Variants in COL1A1 observed in about 807,000 individuals in gnomAD.
COL1A1 encodes collagen type I alpha 1 chain, also known as collagen alpha-1(I) chain.
A neutral mutation model predicts 195.7 loss-of-function variants in COL1A1; 21 were observed. The observed-to-expected ratio is 0.11, with a 90% CI of 0.08 to 0.15. The LOEUF is 0.15. COL1A1 is among the 10% of genes least tolerant of loss of function. The pLI is 1.00. For missense variants in COL1A1, 1,365 were observed against 2,051.0 expected, an observed-to-expected ratio of 0.67 and a Z score of 6.46; for synonymous variants, 749 against 747.3, an observed-to-expected ratio of 1.00 and a Z score of -0.04.
intron 6 of COL1A1, 39 bp downstream of exon 6, chr17:50,198,394 T>C: frequency 6.2e-7 from 1 of 1,604,464 alleles, no homozygotes; most frequent in Non-Finnish European, 8.5e-7. Context: ...TGGATACCCA[T>C]TCTCTCTTCT....
At position 50,187,867 on chromosome 17, in the gene COL1A1, C is replaced by A. The variant is rs1009435359; in HGVS notation, c.3369+9G>T. ...GCATGGGGACTGGGGAGGGGCTGAG[C>A]ATACTTACAGGAGGGCCAGGGGGAC... On this transcript the variant is annotated intron_variant, in intron 45 of 50. Coordinates refer to ENST00000225964, the MANE Select transcript of COL1A1 (RefSeq NM_000088.4). The A allele has an allele frequency of 6.3e-6, 10 of 1,588,946 alleles. No individual in the cohort carries two copies. The highest frequency in any genetic ancestry group is 8.6e-6 in the Non-Finnish European group (10 of 1,165,986).
Position 50,192,413 on chromosome 17 carries a change from G to T in COL1A1, c.1983+62C>A, listed in dbSNP as rs892739408. ...GATGGCTGTCTGATTAGCTAGGAGC[G>T]GGGGCCTGTCCCTCTGGATTCCCTG... On this transcript the variant is annotated intron_variant, in intron 29 of 50. Transcript: ENST00000225964. 1.6e-5 allele frequency: 25 copies of T among 1,521,136 alleles called. No homozygotes were observed. The African/African-American group carries it at 3.5e-4, about 21-fold the overall frequency. 94.2% of individuals were successfully genotyped at this position (1,521,136 alleles called of 1,614,324 possible). A position where few individuals can be genotyped will look rare whatever the true frequency, so the allele number is the denominator to read the frequency against.
rs1162380086 is a variant in COL1A1, at chr17:50,194,917, CA to C, written c.1354-90del. 2 of 1,492,164 alleles carry C rather than the reference CA, an allele frequency of 1.3e-6. No homozygotes were observed. Among genetic ancestry groups the C allele is most frequent in the Non-Finnish European group, 9.3e-7 (1 of 1,077,358 alleles). 92.4% of individuals were successfully genotyped at this position (1,492,164 alleles called of 1,614,324 possible). A position where few individuals can be genotyped will look rare whatever the true frequency, so the allele number is the denominator to read the frequency against. On this transcript the variant is annotated intron_variant, in intron 20 of 50. Coordinates refer to ENST00000225964, the MANE Select transcript of COL1A1 (RefSeq NM_000088.4). The surrounding 1 kb of genome is among the most constrained non-coding windows in gnomAD (Gnocchi z 6.8). The stretch of plus-strand genomic sequence containing the variant: ...CCGGCTGAGGCTGGGCCTCCAGTGT[CA>C]GGGGTTCCTGGGGGTGTGGCAGGGA...
Position 50,199,424 on chromosome 17 carries a change from G to T in COL1A1, c.363C>A (p.Gly121=). ...EGPKGDTGPR[G]PRGPAGPPGR... is the part of the protein sequence containing the mutation. Reference sequence around the variant, plus strand: ...CCCAGAGTGCAACGCTTACCCTTGGGCCTCGGGGGCCAGTGTCTCCCTTGG... The same window carrying T: ...CCCAGAGTGCAACGCTTACCCTTGGTCCTCGGGGGCCAGTGTCTCCCTTGG... Residue 121 remains glycine (G), a synonymous_variant, in exon 4 of 51, where the codon GGC becomes GGA. Transcript: ENST00000225964. 6.2e-7 allele frequency: 1 copy of T among 1,614,096 alleles called. No homozygotes were observed. The highest frequency in any genetic ancestry group is 8.5e-7 in the Non-Finnish European group (1 of 1,179,970).
chr17:50,187,415 C>T, intron 46 of COL1A1, 69 bp downstream of exon 46: 3 of 1,549,882 alleles, frequency 1.9e-6, no homozygotes, highest in South Asian at 2.3e-5. Flanking sequence ...TGCCTGGGTC[C>T]CTGGCAAGGG....
chr17:50,201,362 C>A, intron 1 of COL1A1, 49 bp downstream of exon 1: 1 of 1,580,460 alleles, frequency 6.3e-7, no homozygotes, highest in Non-Finnish European at 8.7e-7. Flanking sequence ...GGACCAAGCG[C>A]AAGGCGCGAT....
chr17:50,195,021 G>A lies in COL1A1; in HGVS notation c.1353+26C>T, dbSNP rs751139725. The stretch of plus-strand genomic sequence containing the variant: ...CTCCTAGGGCAGGGTGGGCTGGGCT[G>A]CAAGAAGGATGGCGGGGAGACTTAC... On this transcript the variant is annotated intron_variant, in intron 20 of 50. Transcript: ENST00000225964. This position sits in a 1 kb window ranked among gnomAD's most constrained non-coding sequence, Gnocchi z 4.3. 2 of 1,612,120 alleles carry A rather than the reference G, an allele frequency of 1.2e-6. No individual in the cohort carries two copies. The highest frequency in any genetic ancestry group is 1.7e-6 in the Non-Finnish European group (2 of 1,178,750).
At chr17:50,192,605 T>G in intron 28 of COL1A1, 35 bp downstream of exon 28, 26 of 1,614,080 alleles carry the variant, frequency 1.6e-5, no homozygotes, top group Non-Finnish European at 2.2e-5. Flanking sequence ...TTCCTACCCC[T>G]ACCTCCCAGC....
At position 50,199,443 on chromosome 17, in the gene COL1A1, C is replaced by T. The variant is rs767924851; in HGVS notation, c.344G>A (p.Gly115Glu). The change falls in exon 4 of 51, where the codon GGA (glycine) becomes GAA (glutamate). Residue 115 changes from glycine (G) to glutamate (E), a missense_variant. This residue lies in a region of COL1A1 where 194 missense variants were observed against 221.7 expected (regional missense o/e 0.88). Transcript: ENST00000225964. ...CCTTGGGCCTCGGGGGCCAGTGTCT[C>T]CCTTGGGTCCCTGTGGGATTGGGGG... is the stretch of plus-strand genomic sequence containing the variant. Reference protein sequence around the residue: ...QETTGVEGPKGDTGPRGPRGP... With the variant: ...QETTGVEGPKEDTGPRGPRGP... 19 of 1,614,054 alleles carry T rather than the reference C, an allele frequency of 1.2e-5. No individual in the cohort carries two copies. The East Asian group carries it at 4.0e-4, about 34-fold the overall frequency.
Position 50,191,818 on chromosome 17 carries a change from G to C in COL1A1, c.2097C>G (p.Ala699=), listed in dbSNP as rs1254198277. The C allele has an allele frequency of 2.5e-6, 4 of 1,598,304 alleles. No homozygotes were observed. Among genetic ancestry groups the C allele is most frequent in the African/African-American group, 2.7e-5 (2 of 74,712 alleles). Residue 699 remains alanine (A), a synonymous_variant, in exon 31 of 51, where the codon GCC becomes GCG. Coordinates refer to ENST00000225964, the MANE Select transcript of COL1A1 (RefSeq NM_000088.4). ...CACCATCGTTGCCGGGAGCACCGTT[G>C]GCCCCTCGGGGACCAGCAGGACCAG... ...GPPGPAGPRG[A]NGAPGNDGAK...
rs1906370441 is a variant in COL1A1 at position 50,185,179 on chromosome 17, G to T, written c.*323C>A. ...CATTGGGGTTTCATAAGCCCAACGGGCAGAAAGGGACTTACCCCCGCATGG... is the reference window on the plus strand; with the variant it reads ...CATTGGGGTTTCATAAGCCCAACGGTCAGAAAGGGACTTACCCCCGCATGG... On this transcript the variant is annotated 3_prime_UTR_variant, in exon 51 of 51. Coordinates refer to ENST00000225964, the MANE Select transcript of COL1A1 (RefSeq NM_000088.4). 2 of 360,776 alleles carry T rather than the reference G, an allele frequency of 5.5e-6. No homozygotes were observed. Among genetic ancestry groups the T allele is most frequent in the Non-Finnish European group, 1.0e-5 (2 of 196,850 alleles). 22.3% of individuals were successfully genotyped at this position (360,776 alleles called of 1,614,324 possible). A position where few individuals can be genotyped will look rare whatever the true frequency, so the allele number is the denominator to read the frequency against.
chr17:50,189,957 C>T lies in COL1A1; in HGVS notation c.2559+44G>A, dbSNP rs754862950. The T allele has an allele frequency of 2.5e-6, 4 of 1,611,108 alleles. No individual in the cohort carries two copies. The highest frequency in any genetic ancestry group is 1.1e-5 in the South Asian group (1 of 90,958). ...CATCAAGCCTGGACCCGTCCTGGGT[C>T]CCAGCCCACCAGCCTCGTGGGCACA... On this transcript the variant is annotated intron_variant, in intron 36 of 50. Coordinates refer to ENST00000225964, the MANE Select transcript of COL1A1 (RefSeq NM_000088.4). The surrounding 1 kb of genome is among the most constrained non-coding windows in gnomAD (Gnocchi z 5.5).
intron 5 of COL1A1, 92 bp from the exon 6 acceptor site, chr17:50,198,596 C>CACCAGGAAGTGCA: frequency 2.1e-6 from 2 of 974,204 alleles, no homozygotes; most frequent in Non-Finnish European, 3.2e-6. Context: ...CATGCACTTC[C>CACCAGGAAGTGCA]TGGTGTGATG....
chr17:50,185,529 G>T lies in COL1A1; in HGVS notation c.4368C>A (p.Phe1456Leu). ...DVGAPDQEFGFDVGPVCFL is the reference protein window; with the variant it reads ...DVGAPDQEFGLDVGPVCFL ...ACAGGAAGCAGACAGGGCCAACGTC[G>T]AAGCCGAATTCCTGGTCTGGGGCAC... Residue 1456 changes from phenylalanine to leucine, a missense_variant, in exon 51 of 51, where the codon TTC becomes TTA. Phe to Leu is a conservative substitution (Grantham distance 22). Around this residue, in one of 5 missense-constraint regions of COL1A1, gnomAD observed 273 missense variants for 338.6 expected, o/e 0.81. Coordinates refer to ENST00000225964, the MANE Select transcript of COL1A1 (RefSeq NM_000088.4). The T allele has an allele frequency of 6.2e-7, 1 of 1,613,890 alleles. No individual in the cohort carries two copies. Among genetic ancestry groups the T allele is most frequent in the Non-Finnish European group, 8.5e-7 (1 of 1,179,974 alleles).
rs1907233047 is a variant in COL1A1 at position 50,192,989 on chromosome 17, C to T, written c.1821+5G>A. 2 of 1,613,984 alleles carry T rather than the reference C, an allele frequency of 1.2e-6. No homozygotes were observed. The highest frequency in any genetic ancestry group is 2.7e-5 in the African/African-American group (2 of 74,922). ...AGGAGGTAGGGATGGAAAGGAGATA[C>T]TTACGACAGCGCCAGGGGGTCCGGG... On this transcript the variant is annotated splice_donor_5th_base_variant and intron_variant, in intron 26 of 50. Coordinates refer to ENST00000225964, the MANE Select transcript of COL1A1 (RefSeq NM_000088.4).
At chr17:50,200,167 G>A (rs1443100214) in intron 1 of COL1A1, 1 of 574,672 alleles carries the variant, frequency 1.7e-6, no homozygotes, top group African/African-American at 1.9e-5. Context: ...CAGTTCTCAG[G>A]AATTTAAACA....
rs1383507951 is a variant in COL1A1, at chr17:50,184,916, T to C, written c.*586A>G. The C allele has an allele frequency of 8.8e-6, 2 of 227,686 alleles. No individual in the cohort carries two copies. Among genetic ancestry groups the C allele is most frequent in the Non-Finnish European group, 1.7e-5 (2 of 114,716 alleles). The allele number at this position is 227,686 out of a possible 1,614,324, so 14.1% of individuals were successfully genotyped here. A position where few individuals can be genotyped will look rare whatever the true frequency, so the allele number is the denominator to read the frequency against. On this transcript the variant is annotated 3_prime_UTR_variant, in exon 51 of 51. Transcript: ENST00000225964. ...CGAAGGGGAGATGTTGCAAGAGCCA[T>C]GGGAGCGCCAGATGGCAAGGCTTCT...
At chr17:50,196,082 A>G (rs1907557537) in intron 15 of COL1A1, 73 bp downstream of exon 15, 2 of 1,610,094 alleles carry the variant, frequency 1.2e-6, no homozygotes, top group Non-Finnish European at 1.7e-6. Context: ...ACCTGCTCCC[A>G]TTGTCAGCCC....
rs1059475 is a variant in COL1A1 at position 50,185,601 on chromosome 17, G to T, written c.4296C>A (p.Thr1432=). The T allele has an allele frequency of 6.2e-7, 1 of 1,614,044 alleles. No homozygotes were observed. The highest frequency in any genetic ancestry group is 8.5e-7 in the Non-Finnish European group (1 of 1,180,010). Residue 1432 remains threonine (T), a synonymous_variant, in exon 51 of 51, where the codon ACC becomes ACA. Transcript: ENST00000225964. The stretch of plus-strand genomic sequence containing the variant: ...CGATGATGGGCAGGCGGGAGGTCTT[G>T]GTGGTTTTGTATTCAATCACTGTCT... ...WGKTVIEYKT[T]KTSRLPIIDV...
Sources: gnomAD v4.1 joint callset for allele counts on GRCh38, gnomAD v4.1.1 for gene constraint, gnomAD v4.1.1 regional missense constraint, Gnocchi (gnomAD v3.1) non-coding constraint, MANE v1.5 for transcripts, NCBI Gene and HGNC (gene_info 2026-07-23, HGNC 2026-07-21) for gene names.